Variants in TXNRD1 observed in about 807,000 individuals in gnomAD.
The protein encoded by TXNRD1 is thioredoxin reductase 1, cytoplasmic.
In TXNRD1, 57 loss-of-function variants were observed where a neutral mutation model predicts 80.3. The observed-to-expected ratio is 0.71, with a 90% CI of 0.57 to 0.89. The LOEUF (loss-of-function observed/expected upper bound fraction) is 0.89. Among genes scored for constraint, TXNRD1 ranks in the 40% least tolerant of loss-of-function variants. TXNRD1 has a pLI of 0.00. For synonymous variants in TXNRD1, 291 were observed against 285.2 expected, an observed-to-expected ratio of 1.02 and a Z score of -0.20; for missense variants, 730 against 803.0, an observed-to-expected ratio of 0.91 and a Z score of 1.10.
intron 16 of TXNRD1, among the ~76,000 whole-genome samples, chr12:104,342,562 G>T (rs1029590764): frequency 4.6e-5 from 7 of 152,158 alleles, no homozygotes; most frequent in African/African-American, 1.7e-4. Flanking sequence ...TGTACAAAAG[G>T]CCTGGGTGGG....
intron 1 of TXNRD1, among the ~76,000 whole-genome samples, chr12:104,223,249 T>A (rs2032393968): frequency 6.6e-6 from 1 of 152,226 alleles, no homozygotes; most frequent in Non-Finnish European, 1.5e-5. Context: ...ATTTAAACTT[T>A]TAAAAATGTT....
chr12:104,238,257 G>A (rs548946163), intron 1 of TXNRD1, among the ~76,000 whole-genome samples: 34 of 152,152 alleles, frequency 2.2e-4, no homozygotes, highest in Non-Finnish European at 4.0e-4. Context: ...TATTAAGGAC[G>A]TTAACAGGTG....
intron 11 of TXNRD1, 125 bp from the exon 12 acceptor site, chr12:104,326,222 G>T: frequency 1.5e-6 from 1 of 672,794 alleles, no homozygotes. Context: ...CTTTCTTACT[G>T]AAATATTTAT....
intron 4 of TXNRD1, chr12:104,289,456 A>G (rs911405094): frequency 1.3e-4 from 20 of 158,712 alleles, no homozygotes; most frequent in Non-Finnish European, 2.0e-4. Flanking sequence ...CTTCCTCTTA[A>G]TTCTCTCAGG....
intron 4 of TXNRD1, among the ~76,000 whole-genome samples, chr12:104,293,878 G>T (rs374550829): frequency 4.6e-5 from 7 of 152,304 alleles, no homozygotes; most frequent in African/African-American, 9.6e-5. Flanking sequence ...AAGAATGTGA[G>T]TCACCTCCAA....
intron 7 of TXNRD1, among the ~76,000 whole-genome samples, chr12:104,317,212 C>T (rs1427738156): frequency 6.6e-6 from 1 of 152,072 alleles, no homozygotes; most frequent in Non-Finnish European, 1.5e-5. Context: ...CTATTCTATT[C>T]CACTCCTAGC....
intron 10 of TXNRD1, among the ~76,000 whole-genome samples, chr12:104,323,338 G>C (rs2035610601): frequency 6.6e-6 from 1 of 151,402 alleles, no homozygotes; most frequent in East Asian, 2.0e-4. Context: ...CAGAAGGGGT[G>C]GTGGCCGGGC....
At chr12:104,274,565 AG>A (rs1565873226) in intron 3 of TXNRD1, among the ~76,000 whole-genome samples, 1 of 151,668 alleles carries the variant, frequency 6.6e-6, no homozygotes, top group African/African-American at 2.4e-5. Flanking sequence ...TGGGCGTGGC[AG>A]CGTGCACCTG....
chr12:104,306,124 G>A (rs900880796), intron 4 of TXNRD1, among the ~76,000 whole-genome samples: 3 of 152,008 alleles, frequency 2.0e-5, no homozygotes, highest in Admixed American at 6.6e-5. Context: ...GGCTGGTCTC[G>A]AACACCTGGC....
chr12:104,222,021 G>T (rs374806822), intron 1 of TXNRD1, among the ~76,000 whole-genome samples: 5 of 152,174 alleles, frequency 3.3e-5, no homozygotes, highest in African/African-American at 1.2e-4. Context: ...GTGGGAAAAT[G>T]AGTGTAGTGT....
At chr12:104,260,566 T>C (rs900138545) in intron 3 of TXNRD1, among the ~76,000 whole-genome samples, 3 of 152,242 alleles carry the variant, frequency 2.0e-5, no homozygotes, top group Non-Finnish European at 4.4e-5. Flanking sequence ...CAGGCCCATG[T>C]AATTCTGAAG....
rs776824414 is a variant in TXNRD1 at position 104,251,646 on chromosome 12, T to C, written c.211T>C (p.Phe71Leu). Residue 71 changes from phenylalanine (F) to leucine (L), a missense_variant, in exon 2 of 17, where the codon TTC becomes CTC. Transcript: ENST00000525566. ...AYIDGHSVVI[F>L]SRSTCTRCTE... ...TATAGATGGTCACTCTGTGGTCATC[T>C]TCAGTAGGTCCACATGCACACGCTG... The C allele has an allele frequency of 6.2e-7, 1 of 1,613,956 alleles. No individual in the cohort carries two copies. The highest frequency in any genetic ancestry group is 1.3e-5 in the African/African-American group (1 of 75,054).
chr12:104,342,331 G>T (rs569167731), intron 16 of TXNRD1, among the ~76,000 whole-genome samples: 3 of 152,064 alleles, frequency 2.0e-5, no homozygotes, highest in African/African-American at 7.2e-5. Flanking sequence ...GTTGAAAGGG[G>T]CTCATTATGA....
chr12:104,228,892 G>A (rs955139904), intron 1 of TXNRD1, among the ~76,000 whole-genome samples: 2 of 151,166 alleles, frequency 1.3e-5, no homozygotes, highest in Non-Finnish European at 3.0e-5. Context: ...GCTAATTTTT[G>A]GTATTTTTAG....
intron 4 of TXNRD1, chr12:104,304,922 T>A: frequency 6.3e-7 from 1 of 1,588,616 alleles, no homozygotes; most frequent in South Asian, 1.2e-5. Context: ...TATGATTACA[T>A]ACTCCTCATA....
intron 3 of TXNRD1, among the ~76,000 whole-genome samples, chr12:104,273,722 C>T (rs907303448): frequency 6.6e-6 from 1 of 152,220 alleles, no homozygotes; most frequent in Non-Finnish European, 1.5e-5. Context: ...CAGGCCAGCG[C>T]CATCCTGCAC....
intron 3 of TXNRD1, among the ~76,000 whole-genome samples, chr12:104,266,368 A>G (rs2033485698): frequency 6.6e-6 from 1 of 151,806 alleles, no homozygotes; most frequent in Admixed American, 6.6e-5. Context: ...TCTACTAAGA[A>G]TACAAAAATT....
chr12:104,288,584 T>G (rs1269085732), intron 3 of TXNRD1: 4 of 355,716 alleles, frequency 1.1e-5, no homozygotes, highest in Non-Finnish European at 1.9e-5. Context: ...GTATTAAGCT[T>G]CTTTTTTGAA....
chr12:104,279,552 A>C (rs1444918160), intron 3 of TXNRD1, among the ~76,000 whole-genome samples: 1 of 152,132 alleles, frequency 6.6e-6, no homozygotes, highest in Non-Finnish European at 1.5e-5. Context: ...GAAGATGAAG[A>C]AGCAGAGAGG....
Sources: gnomAD v4.1 joint callset for allele counts (sites outside exome capture counted in the v4.1 genomes callset) on GRCh38, gnomAD v4.1.1 for gene constraint, MANE v1.5 for transcripts, NCBI Gene and HGNC (gene_info 2026-07-23, HGNC 2026-07-21) for gene names.